Variants in DOCK3 observed in about 807,000 individuals in gnomAD.
The protein encoded by DOCK3 is dedicator of cytokinesis 3, also known as dedicator of cytokinesis protein 3.
Under a neutral mutation model 265.6 loss-of-function variants are expected in DOCK3, and 60 were observed. The ratio of observed to expected loss-of-function variants is 0.23; its 90% CI spans 0.18 to 0.28. The LOEUF is 0.28. Ranked by LOEUF, DOCK3 falls within the 10% of genes least tolerant of loss-of-function variation. The pLI, the probability that DOCK3 is intolerant of heterozygous loss-of-function variation, is 1.00. For synonymous variants in DOCK3, 881 were observed against 938.0 expected, an observed-to-expected ratio of 0.94 and a Z score of 1.11; for missense variants, 1,981 against 2,594.3, an observed-to-expected ratio of 0.76 and a Z score of 5.14.
chr3:50,951,148 C>A (rs971764588), intron 5 of DOCK3, among the ~76,000 whole-genome samples: 1 of 152,168 alleles, frequency 6.6e-6, no homozygotes, highest in African/African-American at 2.4e-5. Context: ...TTTGTTCTCA[C>A]AGTAACCTTG....
intron 14 of DOCK3, among the ~76,000 whole-genome samples, chr3:51,218,198 C>G (rs2089896770): frequency 6.6e-6 from 1 of 152,044 alleles, no homozygotes; most frequent in Admixed American, 6.5e-5. Flanking sequence ...CTTTGGGAGG[C>G]CGAGGCAGGT....
At position 51,237,476 on chromosome 3, in the gene DOCK3, T is replaced by A. The variant is rs768681885; in HGVS notation, c.2002-14T>A. The A allele has an allele frequency of 1.7e-5, 27 of 1,610,696 alleles. No homozygotes were observed. The East Asian group carries it at 6.0e-4, about 36-fold the overall frequency. Reference sequence around the variant, plus strand: ...TCCAGTGAACCCTGATGGCTTACTCTCCATATCTCCCAGGTGTTCATCATC... The same window carrying A: ...TCCAGTGAACCCTGATGGCTTACTCACCATATCTCCCAGGTGTTCATCATC... On this transcript the variant is annotated splice_polypyrimidine_tract_variant and intron_variant, in intron 20 of 52. Transcript: ENST00000266037.
At chr3:51,310,571 C>T (rs892314973) in intron 28 of DOCK3, among the ~76,000 whole-genome samples, 2 of 152,158 alleles carry the variant, frequency 1.3e-5, no homozygotes, top group African/African-American at 4.8e-5. Context: ...TTGAGGAAGG[C>T]CTGCTCAGTG....
At chr3:50,803,096 T>G (rs549710369) in intron 2 of DOCK3, among the ~76,000 whole-genome samples, 1 of 151,938 alleles carries the variant, frequency 6.6e-6, no homozygotes, top group East Asian at 1.9e-4. Flanking sequence ...TAGTATTTAT[T>G]GATCATTCTT....
chr3:50,860,935 A>G (rs894239188), intron 3 of DOCK3, among the ~76,000 whole-genome samples: 5 of 152,090 alleles, frequency 3.3e-5, no homozygotes, highest in Non-Finnish European at 7.4e-5. Flanking sequence ...CTGTAGCTCT[A>G]GTTACTTTTG....
At chr3:50,828,281 C>G (rs2044895674) in intron 2 of DOCK3, among the ~76,000 whole-genome samples, 1 of 152,060 alleles carries the variant, frequency 6.6e-6, no homozygotes, top group Non-Finnish European at 1.5e-5. Flanking sequence ...TTTACCACTC[C>G]CCAGATCGCA....
intron 22 of DOCK3, among the ~76,000 whole-genome samples, chr3:51,255,805 G>A (rs536018581): frequency 3.3e-5 from 5 of 152,266 alleles, no homozygotes; most frequent in South Asian, 4.1e-4. Flanking sequence ...CAATGGGTTC[G>A]AACATCCTCC....
At chr3:50,736,544 A>C (rs2038633238) in intron 1 of DOCK3, among the ~76,000 whole-genome samples, 1 of 152,212 alleles carries the variant, frequency 6.6e-6, no homozygotes, top group African/African-American at 2.4e-5. Flanking sequence ...CTATTTCTCC[A>C]CATCCTCTCC....
chr3:50,811,070 A>G (rs1240764606), intron 2 of DOCK3, among the ~76,000 whole-genome samples: 1 of 152,218 alleles, frequency 6.6e-6, no homozygotes, highest in Non-Finnish European at 1.5e-5. Flanking sequence ...ATCAGAATAT[A>G]AAAGATCTCT....
intron 5 of DOCK3, among the ~76,000 whole-genome samples, chr3:50,968,039 A>AT (rs59658600): frequency 0.095 from 14,463 of 152,160 alleles, 860 homozygotes; most frequent in Non-Finnish European, 0.12. Flanking sequence ...TCTCACCAGA[A>AT]TTTTTTTATA....
At chr3:51,152,141 G>A (rs901275193) in intron 10 of DOCK3, among the ~76,000 whole-genome samples, 2 of 152,032 alleles carry the variant, frequency 1.3e-5, no homozygotes, top group South Asian at 2.1e-4. Flanking sequence ...CCAATCAGAC[G>A]TAGATTTGGT....
chr3:50,808,585 T>A (rs2043564641), intron 2 of DOCK3, among the ~76,000 whole-genome samples: 1 of 152,208 alleles, frequency 6.6e-6, no homozygotes, highest in Non-Finnish European at 1.5e-5. Flanking sequence ...CAAAAGTTTC[T>A]TTGCCAATCA....
intron 2 of DOCK3, among the ~76,000 whole-genome samples, chr3:50,811,949 A>G (rs2043784422): frequency 6.6e-6 from 1 of 152,224 alleles, no homozygotes; most frequent in Non-Finnish European, 1.5e-5. Flanking sequence ...TGCTACCTGT[A>G]GGGCTGAGAG....
intron 49 of DOCK3, among the ~76,000 whole-genome samples, chr3:51,363,129 G>C (rs777822235): frequency 1.3e-5 from 2 of 152,188 alleles, no homozygotes; most frequent in Non-Finnish European, 2.9e-5. Context: ...GTTGGGAAAG[G>C]CTTTCTCAGG....
intron 6 of DOCK3, among the ~76,000 whole-genome samples, chr3:51,072,997 C>A: frequency 6.6e-6 from 1 of 152,004 alleles, no homozygotes; most frequent in East Asian, 1.9e-4. Flanking sequence ...CATGAGCTAC[C>A]GCACCTAGCC....
chr3:51,132,102 A>C lies in DOCK3; in HGVS notation c.747-14447A>C, dbSNP rs549810226. The stretch of plus-strand genomic sequence containing the variant: ...AGGGAGATCAGGCATTTCCTCTCAC[A>C]GTGGACCATCTTTTAATCCATATTT... On this transcript the variant is annotated intron_variant, in intron 9 of 52. Transcript: ENST00000266037. Among the ~76,000 whole-genome samples the C allele has an allele frequency of 3.9e-5, 6 of 152,282 alleles. No homozygotes were observed. The South Asian group carries it at 1.2e-3, about 32-fold the overall frequency.
At chr3:51,324,620 G>A (rs1303626924) in intron 32 of DOCK3, among the ~76,000 whole-genome samples, 1 of 152,102 alleles carries the variant, frequency 6.6e-6, no homozygotes, top group South Asian at 2.1e-4. Context: ...ATAATCTTAG[G>A]CAAAAAGAAC....
At chr3:51,006,747 A>G (rs2078691129) in intron 5 of DOCK3, among the ~76,000 whole-genome samples, 1 of 151,980 alleles carries the variant, frequency 6.6e-6, no homozygotes, top group Non-Finnish European at 1.5e-5. Context: ...TCCATGAGGT[A>G]TTTCTCCTAG....
chr3:51,215,256 C>T (rs1279591371), intron 14 of DOCK3, among the ~76,000 whole-genome samples: 1 of 152,054 alleles, frequency 6.6e-6, no homozygotes, highest in Non-Finnish European at 1.5e-5. Context: ...TACACGTGTA[C>T]ATCACCACAC....
Sources: gnomAD v4.1 joint callset for allele counts (sites outside exome capture counted in the v4.1 genomes callset) on GRCh38, gnomAD v4.1.1 for gene constraint, MANE v1.5 for transcripts, NCBI Gene and HGNC (gene_info 2026-07-23, HGNC 2026-07-21) for gene names.